The following LDAH variants were observed in gnomAD, a reference collection of about 807,000 sequenced individuals.
The protein encoded by LDAH is lipid droplet associated hydrolase, also known as lipid droplet-associated hydrolase.
A neutral mutation model predicts 29.6 loss-of-function variants in LDAH; 26 were observed. The ratio of observed to expected loss-of-function variants is 0.88; its 90% CI spans 0.64 to 1.22. LDAH has a LOEUF of 1.22. Ranked by LOEUF, LDAH falls within the 50% of genes most tolerant of loss-of-function variation. LDAH has a pLI of 0.00. For missense variants in LDAH, 344 were observed against 387.3 expected (o/e 0.89, Z 0.94); for synonymous variants, 117 against 133.0 (o/e 0.88, Z 0.83).
intron 5 of LDAH, among the ~76,000 whole-genome samples, chr2:20,718,057 C>T (rs533971963): frequency 1.3e-5 from 2 of 152,262 alleles, no homozygotes; most frequent in African/African-American, 4.8e-5. Context: ...TGAGTTAAAA[C>T]ACACTACCAG....
intron 6 of LDAH, among the ~76,000 whole-genome samples, chr2:20,688,324 AACTGGAATTCCACATG>A (rs1364126564): frequency 1.3e-5 from 2 of 152,178 alleles, no homozygotes; most frequent in Non-Finnish European, 2.9e-5. Flanking sequence ...ATGTGTGGGG[AACTGGAATTCCACATG>A]GCTGGAATAT....
intron 4 of LDAH, among the ~76,000 whole-genome samples, chr2:20,752,460 C>G (rs1009808358): frequency 6.6e-6 from 1 of 152,120 alleles, no homozygotes; most frequent in African/African-American, 2.4e-5. Context: ...CTGAAATAGC[C>G]ATCAAGTGTC....
chr2:20,686,791 C>A lies in LDAH; in HGVS notation c.*112G>T, dbSNP rs1662591351. On this transcript the variant is annotated 3_prime_UTR_variant, in exon 7 of 7. Coordinates refer to ENST00000237822, the MANE Select transcript of LDAH (RefSeq NM_021925.4). ...AGAGTTGGTTTGTAAGACAAAGGTT[C>A]TCACTTTCTTCATTTCTAATATCAG... is the stretch of plus-strand genomic sequence containing the variant. 1 of 1,003,652 alleles carries A rather than the reference C, an allele frequency of 1.0e-6. No homozygotes were observed. Among genetic ancestry groups the A allele is most frequent in the African/African-American group, 1.6e-5 (1 of 60,918 alleles). The allele number at this position is 1,003,652 out of a possible 1,614,324, so 62.2% of individuals were successfully genotyped here.
chr2:20,782,130 A>G (rs1022429326), intron 3 of LDAH, among the ~76,000 whole-genome samples: 2 of 152,186 alleles, frequency 1.3e-5, no homozygotes, highest in Admixed American at 6.5e-5. Flanking sequence ...TGGTCCCAGG[A>G]CCAGCAGCAC....
intron 1 of LDAH, among the ~76,000 whole-genome samples, chr2:20,817,624 C>A (rs116241470): frequency 0.038 from 5,749 of 152,166 alleles, 364 homozygotes; most frequent in African/African-American, 0.13. Flanking sequence ...ATTCACTAAA[C>A]ATACACTTAC....
chr2:20,700,077 T>C (rs1365527056), intron 6 of LDAH, among the ~76,000 whole-genome samples: 2 of 152,270 alleles, frequency 1.3e-5, no homozygotes. Flanking sequence ...GCTGTTTTTA[T>C]GAACTCCCAA....
intron 4 of LDAH, among the ~76,000 whole-genome samples, chr2:20,766,436 G>A (rs531344491): frequency 3.4e-4 from 52 of 152,202 alleles, no homozygotes; most frequent in Non-Finnish European, 7.1e-4. Flanking sequence ...CTCTGCCATG[G>A]GACTTGAATA....
rs762231344 is a variant in LDAH, at chr2:20,739,982, G to A, written c.692C>T (p.Pro231Leu). The change falls in exon 5 of 7, where the codon CCA (proline) becomes CTA (leucine). Residue 231 changes from proline to leucine, a missense_variant. Transcript: ENST00000237822. Reference protein sequence around the residue: ...NEFSPLNILEPFCLANAAYLG... With the variant: ...NEFSPLNILELFCLANAAYLG... ...AAATCTGTGCTTACCAAGGCAGAAT[G>A]GTTCTAATATATTCAATGGTGAAAA... 1.2e-6 allele frequency: 2 copies of A among 1,611,868 alleles called. No individual in the cohort carries two copies. Among genetic ancestry groups the A allele is most frequent in the East Asian group, 2.2e-5 (1 of 44,856 alleles).
intron 3 of LDAH, among the ~76,000 whole-genome samples, chr2:20,778,691 T>G (rs1285784252): frequency 6.6e-6 from 1 of 152,118 alleles, no homozygotes; most frequent in Non-Finnish European, 1.5e-5. Flanking sequence ...AATGCCAAAG[T>G]TAAGTATCTC....
chr2:20,813,523 A>T (rs1199147082), intron 1 of LDAH, among the ~76,000 whole-genome samples: 4 of 152,184 alleles, frequency 2.6e-5, no homozygotes, highest in Non-Finnish European at 5.9e-5. Flanking sequence ...CAGTTTTTTC[A>T]GAACAATGCT....
chr2:20,791,330 T>C (rs1028921559), intron 2 of LDAH, among the ~76,000 whole-genome samples: 4 of 152,230 alleles, frequency 2.6e-5, no homozygotes, highest in Admixed American at 1.3e-4. Context: ...GGTTTCCTCA[T>C]CCACAAAATG....
intron 1 of LDAH, among the ~76,000 whole-genome samples, chr2:20,807,869 A>C: frequency 6.6e-6 from 1 of 151,636 alleles, no homozygotes; most frequent in East Asian, 1.9e-4. Flanking sequence ...AAAGATATAA[A>C]TATATTTAGA....
At chr2:20,722,599 A>G (rs752170665) in intron 5 of LDAH, among the ~76,000 whole-genome samples, 1 of 152,164 alleles carries the variant, frequency 6.6e-6, no homozygotes, top group Non-Finnish European at 1.5e-5. Flanking sequence ...AAGAATTGTA[A>G]TGTTCTTAAA....
rs374028750 is a variant in LDAH, at chr2:20,802,274, G to A, written c.-2-809C>T. ...GGGGTTTTGCCATGTTGGCCAGGCC[G>A]GTCTTGAACCCCTGATCTCAGATAA... On this transcript the variant is annotated intron_variant, in intron 1 of 6. Coordinates refer to ENST00000237822, the MANE Select transcript of LDAH (RefSeq NM_021925.4). Among the ~76,000 whole-genome samples, 54 of 152,002 alleles carry A rather than the reference G, an allele frequency of 3.6e-4. No individual in the cohort carries two copies. In the East Asian group the frequency reaches 8.9e-3, roughly 25 times the overall value.
chr2:20,744,865 C>G (rs508171), intron 4 of LDAH, among the ~76,000 whole-genome samples: 54,717 of 151,986 alleles, frequency 0.36, 11,257 homozygotes, highest in Middle Eastern at 0.61. Context: ...TCAGGTTTTT[C>G]TACCATGGCA....
intron 6 of LDAH, among the ~76,000 whole-genome samples, chr2:20,689,494 G>C (rs1237507206): frequency 6.6e-6 from 1 of 152,184 alleles, no homozygotes; most frequent in Admixed American, 6.5e-5. Flanking sequence ...CTCACAACCA[G>C]TGGGAGACTA....
At chr2:20,781,955 A>T (rs918828973) in intron 3 of LDAH, among the ~76,000 whole-genome samples, 2 of 152,230 alleles carry the variant, frequency 1.3e-5, no homozygotes, top group African/African-American at 4.8e-5. Context: ...AGAGATAAAC[A>T]TATTCAAAGT....
At chr2:20,730,336 GT>G (rs140637609) in intron 5 of LDAH, among the ~76,000 whole-genome samples, 4,932 of 152,260 alleles carry the variant, frequency 0.032, 262 homozygotes, top group African/African-American at 0.11. Context: ...GCCTAGGAGT[GT>G]TAACTGCTGG....
intron 4 of LDAH, among the ~76,000 whole-genome samples, chr2:20,742,006 A>G (rs755451023): frequency 6.6e-6 from 1 of 152,224 alleles, no homozygotes; most frequent in African/African-American, 2.4e-5. Context: ...ATAAATTTTG[A>G]TAAGTTGTGT....
Sources: allele counts gnomAD v4.1 joint callset (sites outside exome capture counted in the v4.1 genomes callset), GRCh38; gene constraint gnomAD v4.1.1; transcripts MANE v1.5; gene names NCBI Gene and HGNC (gene_info 2026-07-23, HGNC 2026-07-21).